The following TANC2 variants were observed in gnomAD, a reference collection of about 807,000 sequenced individuals.
TANC2 encodes the protein protein TANC2.
Under a neutral mutation model 210.5 loss-of-function variants are expected in TANC2, and 26 were observed. The ratio of observed to expected loss-of-function variants is 0.12; its 90% CI spans 0.09 to 0.17. The LOEUF is 0.17. TANC2 is among the 10% of genes least tolerant of loss of function. The probability of loss-of-function intolerance (pLI) is 1.00; values close to 1 mark genes in which losing one functional copy is unlikely to be tolerated. For synonymous variants in TANC2, 931 were observed against 967.1 expected (o/e 0.96, Z 0.69); for missense variants, 2,129 against 2,608.9 (o/e 0.82, Z 4.01).
exon 12 of TANC2, chr17:63,340,155 G>C: frequency 6.2e-7 from 1 of 1,613,914 alleles, no homozygotes; most frequent in Non-Finnish European, 8.5e-7. Flanking sequence ...CTTGGTGCCA[G>C]AATTTGTCCA....
chr17:63,386,245 A>C (rs771046239), intron 15 of TANC2, among the ~76,000 whole-genome samples: 5 of 152,176 alleles, frequency 3.3e-5, no homozygotes, highest in Non-Finnish European at 5.9e-5. Context: ...CAGTGTATGG[A>C]CCTTATGTGA....
At chr17:63,018,497 T>A (rs867966413) in intron 2 of TANC2, among the ~76,000 whole-genome samples, 40 of 148,812 alleles carry the variant, frequency 2.7e-4, no homozygotes, top group Middle Eastern at 3.4e-3. Flanking sequence ...AAAAAATAAA[T>A]AAATAAATAA....
chr17:63,322,558 C>G (rs2045529561), intron 11 of TANC2, among the ~76,000 whole-genome samples: 1 of 152,216 alleles, frequency 6.6e-6, no homozygotes. Context: ...GTGCTTCCAG[C>G]ACTTCAGTTA....
At chr17:63,113,038 A>C (rs2038114480) in intron 4 of TANC2, among the ~76,000 whole-genome samples, 1 of 152,304 alleles carries the variant, frequency 6.6e-6, no homozygotes, top group African/African-American at 2.4e-5. Flanking sequence ...CAGTTTAGAA[A>C]GTGGCAAATG....
intron 12 of TANC2, among the ~76,000 whole-genome samples, chr17:63,342,066 G>A (rs187377718): frequency 9.9e-5 from 15 of 151,938 alleles, no homozygotes; most frequent in Admixed American, 9.2e-4. Context: ...ATCTATCAAG[G>A]ACCAGCTTAA....
chr17:63,196,380 A>G (rs1360781951), intron 6 of TANC2, among the ~76,000 whole-genome samples: 2 of 152,204 alleles, frequency 1.3e-5, no homozygotes, highest in African/African-American at 4.8e-5. Flanking sequence ...TGTGACTGTT[A>G]TAGTAATGAC....
chr17:63,173,928 C>T (rs2040493182), intron 5 of TANC2, among the ~76,000 whole-genome samples: 1 of 152,182 alleles, frequency 6.6e-6, no homozygotes, highest in African/African-American at 2.4e-5. Context: ...GACAAGAACA[C>T]TATTTCACCT....
intron 11 of TANC2, among the ~76,000 whole-genome samples, chr17:63,327,033 C>CA (rs1269977030): frequency 6.6e-6 from 1 of 151,878 alleles, no homozygotes; most frequent in African/African-American, 2.4e-5. Context: ...AATTCAATGG[C>CA]AAAAAACAAC....
In TANC2 at chr17:63,185,488, T is replaced by A. The variant is rs570504142; in HGVS notation, c.434-8503T>A. On this transcript the variant is annotated intron_variant, in intron 5 of 27. Coordinates refer to ENST00000689528, the Ensembl canonical transcript of TANC2. ...CCTATTAGTATACTTTTCCTTTTTT[T>A]TATACAACTAGTAGTGGACTTGCTG... Among the ~76,000 whole-genome samples, 5 of 152,328 alleles carry A rather than the reference T, an allele frequency of 3.3e-5. No homozygotes were observed. In the East Asian group the frequency reaches 7.7e-4, roughly 24 times the overall value.
chr17:62,972,912 ATGC>A (rs1343083728), intron 1 of TANC2, among the ~76,000 whole-genome samples: 3 of 151,982 alleles, frequency 2.0e-5, no homozygotes, highest in African/African-American at 7.3e-5. Context: ...CACAGCCATC[ATGC>A]GTTAGCCCAA....
chr17:63,042,708 A>C (rs1274030741), intron 2 of TANC2, among the ~76,000 whole-genome samples: 1 of 152,124 alleles, frequency 6.6e-6, no homozygotes, highest in East Asian at 1.9e-4. Context: ...TTGTCTTTGT[A>C]ATTTTAAGAC....
intron 5 of TANC2, among the ~76,000 whole-genome samples, chr17:63,156,141 G>C (rs986302492): frequency 1.3e-5 from 2 of 151,870 alleles, no homozygotes; most frequent in Non-Finnish European, 2.9e-5. Flanking sequence ...ATTTTGCATT[G>C]TCCTATGAGT....
exon 28 of TANC2, chr17:63,424,986 A>C (rs1443886919): frequency 1.3e-5 from 2 of 152,242 alleles, no homozygotes; most frequent in Non-Finnish European, 2.9e-5. Flanking sequence ...CGGTTACTTT[A>C]TCTACTGGAT....
chr17:63,167,353 C>T (rs764041753), intron 5 of TANC2, among the ~76,000 whole-genome samples: 46 of 152,166 alleles, frequency 3.0e-4, no homozygotes, highest in Middle Eastern at 3.4e-3. Flanking sequence ...ATTGTATGTT[C>T]TACAAGTATA....
At chr17:63,062,464 T>C (rs1190048125) in intron 2 of TANC2, among the ~76,000 whole-genome samples, 2 of 152,226 alleles carry the variant, frequency 1.3e-5, no homozygotes, top group East Asian at 3.8e-4. Flanking sequence ...AGAGTACACA[T>C]GGCTAAACTG....
At chr17:63,064,377 T>G (rs2036117686) in intron 2 of TANC2, among the ~76,000 whole-genome samples, 1 of 152,188 alleles carries the variant, frequency 6.6e-6, no homozygotes, top group African/African-American at 2.4e-5. Context: ...GAGGATCACT[T>G]GAGCCCAGGA....
At chr17:63,153,096 G>A (rs1041329223) in intron 5 of TANC2, 1 of 152,084 alleles carries the variant, frequency 6.6e-6, no homozygotes, top group African/African-American at 2.4e-5. Flanking sequence ...CTGAAAATTA[G>A]TTTCTACCAA....
intron 2 of TANC2, among the ~76,000 whole-genome samples, chr17:63,024,762 C>A (rs1342214295): frequency 6.6e-6 from 1 of 152,128 alleles, no homozygotes. Context: ...AAATGTATTG[C>A]CCAAGATTAT....
chr17:63,049,507 A>G (rs1472777715), intron 2 of TANC2, among the ~76,000 whole-genome samples: 1 of 152,122 alleles, frequency 6.6e-6, no homozygotes, highest in African/African-American at 2.4e-5. Context: ...AGGCCTTGAT[A>G]TGAGTATATT....
Sources: gnomAD v4.1 joint callset for allele counts (sites outside exome capture counted in the v4.1 genomes callset) on GRCh38, gnomAD v4.1.1 for gene constraint, MANE v1.5 for transcripts, NCBI Gene and HGNC (gene_info 2026-07-23, HGNC 2026-07-21) for gene names.